Variants in PCDH15 observed in about 807,000 individuals in gnomAD.
The protein encoded by PCDH15 is protocadherin related 15, also known as protocadherin-15.
PCDH15 carries 129 observed loss-of-function variants against 178.5 expected under a neutral mutation model. The observed-to-expected ratio is 0.72, with a 90% CI of 0.63 to 0.84. The LOEUF (loss-of-function observed/expected upper bound fraction) is 0.84, where lower values mean the gene tolerates loss of function less well. Ranked by LOEUF, PCDH15 falls within the 40% of genes least tolerant of loss-of-function variation. The probability of loss-of-function intolerance (pLI) is 0.00; values close to 1 mark genes in which losing one functional copy is unlikely to be tolerated. For missense variants in PCDH15, 2,230 were observed against 2,099.9 expected, an observed-to-expected ratio of 1.06 and a Z score of -1.21; for synonymous variants, 800 against 732.0, an observed-to-expected ratio of 1.09 and a Z score of -1.50.
intron 6 of PCDH15, among the ~76,000 whole-genome samples, chr10:54,338,473 T>C (rs1439982823): frequency 1.3e-5 from 2 of 152,172 alleles, no homozygotes; most frequent in Admixed American, 6.5e-5. Context: ...AAATCGTTTG[T>C]CCTTAAAATG....
At chr10:55,228,193 T>C (rs1485196160) in intron 1 of PCDH15, among the ~76,000 whole-genome samples, 1 of 152,154 alleles carries the variant, frequency 6.6e-6, no homozygotes, top group Admixed American at 6.5e-5. Flanking sequence ...ATGTATCATG[T>C]TGCATACATC....
intron 15 of PCDH15, among the ~76,000 whole-genome samples, chr10:54,099,498 C>CCAAAAA (rs1554965241): frequency 1.4e-4 from 7 of 49,994 alleles, no homozygotes; most frequent in Non-Finnish European, 2.3e-4. Flanking sequence ...GACTCCATCT[C>CCAAAAA]AAAAAAAAAA....
intron 2 of PCDH15, among the ~76,000 whole-genome samples, chr10:55,557,384 G>C (rs534935601): frequency 7.9e-5 from 12 of 152,070 alleles, no homozygotes; most frequent in Non-Finnish European, 1.3e-4. Flanking sequence ...TATGTGATCA[G>C]AACTGGTTAC....
At chr10:53,970,635 C>G (rs2089579574) in intron 21 of PCDH15, among the ~76,000 whole-genome samples, 1 of 152,054 alleles carries the variant, frequency 6.6e-6, no homozygotes, top group African/African-American at 2.4e-5. Context: ...GAAATACAAA[C>G]TACCATCAGA....
At chr10:54,919,842 C>A (rs1479699443) in intron 2 of PCDH15, among the ~76,000 whole-genome samples, 1 of 152,042 alleles carries the variant, frequency 6.6e-6, no homozygotes. Context: ...CTTATACAAC[C>A]TTCCCATTTG....
intron 20 of PCDH15, among the ~76,000 whole-genome samples, chr10:54,018,135 T>C (rs116621305): frequency 0.01 from 1,580 of 152,220 alleles, 19 homozygotes; most frequent in African/African-American, 0.035. Flanking sequence ...ATGAGAATTG[T>C]AGAAAAGTTG....
At chr10:54,636,680 G>A (rs1168076432) in intron 2 of PCDH15, among the ~76,000 whole-genome samples, 3 of 151,912 alleles carry the variant, frequency 2.0e-5, no homozygotes, top group African/African-American at 7.2e-5. Context: ...ACATGGGCAG[G>A]AGGTCACGTC....
At chr10:55,489,550 A>G (rs138926718) in intron 2 of PCDH15, among the ~76,000 whole-genome samples, 153 of 151,798 alleles carry the variant, frequency 1.0e-3, no homozygotes, top group African/African-American at 3.5e-3. Flanking sequence ...TGGTATGGAA[A>G]GCTACCTCAG....
At chr10:55,333,471 A>C (rs1436574830) in intron 2 of PCDH15, among the ~76,000 whole-genome samples, 1 of 152,140 alleles carries the variant, frequency 6.6e-6, no homozygotes, top group African/African-American at 2.4e-5. Flanking sequence ...AATATGTGAA[A>C]TTTTTAGTAA....
chr10:55,515,094 T>G (rs1334261412), intron 2 of PCDH15, among the ~76,000 whole-genome samples: 1 of 150,620 alleles, frequency 6.6e-6, no homozygotes, highest in Non-Finnish European at 1.5e-5. Flanking sequence ...GTTCAAGTGA[T>G]TCTCCTGCCT....
chr10:53,857,371 CT>C lies in PCDH15; in HGVS notation c.3718-109del, dbSNP rs1404356710. 3.7e-6 allele frequency: 3 copies of C among 803,962 alleles called. No individual in the cohort carries two copies. The African/African-American group carries it at 5.2e-5, about 14-fold the overall frequency. 49.8% of individuals were successfully genotyped at this position (803,962 alleles called of 1,614,324 possible). A position where few individuals can be genotyped will look rare whatever the true frequency, so the allele number is the denominator to read the frequency against. The stretch of plus-strand genomic sequence containing the variant: ...CTACTATGCATAGACACAGTGGTTT[CT>C]GATTTTCAAATTCAGGAACAAATAT... On this transcript the variant is annotated intron_variant, in intron 27 of 37. Transcript: ENST00000644397.
At chr10:54,198,663 G>A (rs909207609) in intron 10 of PCDH15, among the ~76,000 whole-genome samples, 5 of 122,598 alleles carry the variant, frequency 4.1e-5, no homozygotes, top group Non-Finnish European at 6.3e-5. Flanking sequence ...CACTACGCCC[G>A]GCTAATTTTT....
At chr10:54,514,162 C>G (rs1230565286) in intron 3 of PCDH15, among the ~76,000 whole-genome samples, 1 of 152,160 alleles carries the variant, frequency 6.6e-6, no homozygotes, top group Non-Finnish European at 1.5e-5. Context: ...TTAGTGCTAT[C>G]TCTGAACAAC....
At position 53,839,048 on chromosome 10, in the gene PCDH15, C is replaced by CA. The variant is rs1317752443; in HGVS notation, c.3983+1271dup. On this transcript the variant is annotated intron_variant, in intron 29 of 37. Transcript: ENST00000644397. ...TAAAACCCCGTCTCTACTAAAAATA[C>CA]AAAAAATTAGCTGGGCGTGGTGGCG... 2.0e-5 allele frequency among the ~76,000 whole-genome samples: 3 copies of CA among 149,426 alleles called. No homozygotes were observed. In the East Asian group the frequency reaches 5.8e-4, roughly 29 times the overall value.
chr10:54,288,655 C>T (rs904505242), intron 8 of PCDH15, among the ~76,000 whole-genome samples: 1 of 152,184 alleles, frequency 6.6e-6, no homozygotes, highest in African/African-American at 2.4e-5. Context: ...GGGACACTCC[C>T]GCCCAAATAC....
chr10:54,419,136 A>T (rs74136146), intron 3 of PCDH15, among the ~76,000 whole-genome samples: 2 of 151,754 alleles, frequency 1.3e-5, no homozygotes, highest in African/African-American at 4.8e-5. Context: ...CTTATAATAT[A>T]TTGTTAGAAT....
intron 1 of PCDH15, among the ~76,000 whole-genome samples, chr10:54,699,470 T>A (rs1318565487): frequency 6.6e-6 from 1 of 152,102 alleles, no homozygotes; most frequent in African/African-American, 2.4e-5. Context: ...AAAGGATTTC[T>A]GCATGTTTTC....
intron 2 of PCDH15, among the ~76,000 whole-genome samples, chr10:55,447,550 T>C (rs1839344575): frequency 6.6e-6 from 1 of 151,884 alleles, no homozygotes; most frequent in Admixed American, 6.6e-5. Flanking sequence ...TAGAATCAAA[T>C]AGGCGGAAAC....
intron 6 of PCDH15, among the ~76,000 whole-genome samples, chr10:54,341,103 A>AC (rs1942138023): frequency 6.6e-6 from 1 of 152,060 alleles, no homozygotes; most frequent in Non-Finnish European, 1.5e-5. Flanking sequence ...TTTAAAAGCC[A>AC]CCTAACCATC....
Sources: allele counts gnomAD v4.1 joint callset (sites outside exome capture counted in the v4.1 genomes callset), GRCh38; gene constraint gnomAD v4.1.1; transcripts MANE v1.5; gene names NCBI Gene and HGNC (gene_info 2026-07-23, HGNC 2026-07-21).